MMP24: variants seen among roughly 807,000 people sequenced by gnomAD.
The protein encoded by MMP24 is matrix metalloproteinase-24.
A neutral mutation model predicts 62.8 loss-of-function variants in MMP24; 25 were observed. The ratio of observed to expected loss-of-function variants is 0.40; its 90% CI spans 0.29 to 0.56. The LOEUF (loss-of-function observed/expected upper bound fraction) is 0.56. Ranked by LOEUF, MMP24 falls within the 20% of genes least tolerant of loss-of-function variation. The pLI, the probability that MMP24 is intolerant of heterozygous loss-of-function variation, is 0.50. For missense variants in MMP24, 634 were observed against 853.6 expected (o/e 0.74, Z 3.21); for synonymous variants, 319 against 350.5 (o/e 0.91, Z 1.00).
At chr20:35,259,023 A>G (rs1022624657) in intron 4 of MMP24, among the ~76,000 whole-genome samples, 1 of 152,078 alleles carries the variant, frequency 6.6e-6, no homozygotes, top group African/African-American at 2.4e-5. Context: ...TCTACTAAAA[A>G]TACAAAAATT....
chr20:35,251,110 C>T (rs1418863494), intron 2 of MMP24, among the ~76,000 whole-genome samples: 1 of 145,152 alleles, frequency 6.9e-6, no homozygotes, highest in African/African-American at 2.8e-5. Flanking sequence ...AGTTGTTAAG[C>T]CACTTCTTTT....
intron 1 of MMP24, among the ~76,000 whole-genome samples, chr20:35,245,420 C>G (rs1441165059): frequency 6.6e-6 from 1 of 150,498 alleles, no homozygotes; most frequent in African/African-American, 2.5e-5. Flanking sequence ...CTGTCTGTCT[C>G]TCTCTTTATA....
chr20:35,260,624 C>G (rs1323109229), intron 4 of MMP24, among the ~76,000 whole-genome samples: 1 of 152,268 alleles, frequency 6.6e-6, no homozygotes, highest in African/African-American at 2.4e-5. Context: ...GCTCACCCTT[C>G]CCTGCTGCCA....
chr20:35,257,400 T>C (rs1276102219), intron 4 of MMP24, among the ~76,000 whole-genome samples: 1 of 152,212 alleles, frequency 6.6e-6, no homozygotes. Flanking sequence ...TGTCAACGAA[T>C]GGCTGTCTGT....
Position 35,251,980 on chromosome 20 carries a change from C to T in MMP24, c.471C>T (p.Ala157=). The T allele has an allele frequency of 2.5e-6, 4 of 1,614,014 alleles. No homozygotes were observed. Among genetic ancestry groups the T allele is most frequent in the Non-Finnish European group, 3.4e-6 (4 of 1,179,886 alleles). ...LSRRRRNKRY[A]LTGQKWRQKH... is the part of the protein sequence containing the mutation. ...GTAGGCGGAGAAACAAGCGCTATGC[C>T]CTGACTGGACAGAAGTGGAGGCAAA... Residue 157 remains alanine, a synonymous_variant, in exon 3 of 9, where the codon GCC becomes GCT. Transcript: ENST00000246186.
At chr20:35,249,592 C>CT (rs573444436) in intron 2 of MMP24, among the ~76,000 whole-genome samples, 170 of 143,822 alleles carry the variant, frequency 1.2e-3, no homozygotes, top group Middle Eastern at 3.5e-3. Context: ...ATAATAATTT[C>CT]TTTTTTTTTT....
chr20:35,267,477 G>A (rs747480189), intron 6 of MMP24, 58 bp downstream of exon 6: 160 of 1,476,770 alleles, frequency 1.1e-4, no homozygotes, highest in Non-Finnish European at 1.3e-4. Context: ...CCTCCTCCCC[G>A]ACATCATGGA....
chr20:35,264,406 C>T (rs148007374), intron 5 of MMP24, among the ~76,000 whole-genome samples: 116 of 152,064 alleles, frequency 7.6e-4, no homozygotes, highest in African/African-American at 2.5e-3. Flanking sequence ...AAAGAAAAAA[C>T]GAGGGCCAGG....
chr20:35,259,411 C>T (rs1373054088), intron 4 of MMP24, among the ~76,000 whole-genome samples: 2 of 152,136 alleles, frequency 1.3e-5, no homozygotes, highest in African/African-American at 4.8e-5. Flanking sequence ...AAGGAACCCA[C>T]AGTCCTGGGG....
intron 2 of MMP24, 117 bp downstream of exon 2, chr20:35,247,105 C>A: frequency 1.6e-6 from 2 of 1,258,166 alleles, no homozygotes; most frequent in South Asian, 1.4e-5. Context: ...TTTATTCCTG[C>A]AGTGCCATCC....
intron 1 of MMP24, among the ~76,000 whole-genome samples, chr20:35,236,485 T>C (rs1204418599): frequency 6.6e-6 from 1 of 152,178 alleles, no homozygotes; most frequent in East Asian, 1.9e-4. Flanking sequence ...GTTATATAAC[T>C]CAGGTGGGCT....
chr20:35,268,991 C>T (rs2146239763), intron 6 of MMP24, among the ~76,000 whole-genome samples: 1 of 150,356 alleles, frequency 6.7e-6, no homozygotes, highest in South Asian at 2.1e-4. Flanking sequence ...TGCGCCACTG[C>T]ACTCCAGCCT....
chr20:35,267,184 A>G, intron 5 of MMP24, 21 bp from the exon 6 acceptor site: 1 of 1,554,404 alleles, frequency 6.4e-7, no homozygotes, highest in Non-Finnish European at 8.7e-7. Flanking sequence ...CCCCTCTCTA[A>G]GATGCAGCTC....
chr20:35,257,842 C>G (rs535491128), intron 4 of MMP24, among the ~76,000 whole-genome samples: 1 of 152,330 alleles, frequency 6.6e-6, no homozygotes, highest in South Asian at 2.1e-4. Context: ...GAAAACCAAG[C>G]AGGAACTGTC....
chr20:35,238,285 G>C (rs1268624042), intron 1 of MMP24, among the ~76,000 whole-genome samples: 3 of 152,220 alleles, frequency 2.0e-5, no homozygotes, highest in Non-Finnish European at 4.4e-5. Context: ...GCTAGCTGTT[G>C]GGGTGACAAT....
chr20:35,231,022 T>C (rs924960908), intron 1 of MMP24, among the ~76,000 whole-genome samples: 4 of 152,218 alleles, frequency 2.6e-5, no homozygotes, highest in Non-Finnish European at 4.4e-5. Flanking sequence ...TTTTTTATCT[T>C]ACACATCAAG....
intron 7 of MMP24, among the ~76,000 whole-genome samples, chr20:35,270,169 G>A (rs768285502): frequency 6.6e-6 from 1 of 152,298 alleles, no homozygotes; most frequent in East Asian, 1.9e-4. Flanking sequence ...GGAGGCCATC[G>A]GGTCAGTTCT....
At position 35,263,889 on chromosome 20, in the gene MMP24, T is replaced by G. The variant is rs2060617489; in HGVS notation, c.916T>G (p.Tyr306Asp). The G allele has an allele frequency of 1.2e-6, 2 of 1,612,962 alleles. No individual in the cohort carries two copies. Among genetic ancestry groups the G allele is most frequent in the Admixed American group, 1.7e-5 (1 of 59,854 alleles). ...CGCCATCATGGCGCCCTTCTACCAG[T>G]ACATGGAGACGCACAACTTCAAGCT... is the stretch of plus-strand genomic sequence containing the variant. ...PSAIMAPFYQ[Y>D]METHNFKLPQ... Residue 306 changes from tyrosine (Y) to aspartate (D), a missense_variant, in exon 5 of 9, where the codon TAC becomes GAC. By Grantham distance (160) the Tyr-to-Asp change is radical (BLOSUM62 -3). This residue lies in a region of MMP24 where 399 missense variants were observed against 530.8 expected (regional missense o/e 0.75). Coordinates refer to ENST00000246186, the MANE Select transcript of MMP24 (RefSeq NM_006690.4).
intron 1 of MMP24, among the ~76,000 whole-genome samples, chr20:35,229,528 A>G (rs200797448): frequency 1.3e-5 from 2 of 152,316 alleles, no homozygotes; most frequent in South Asian, 2.1e-4. Flanking sequence ...AATTATATCC[A>G]CTGCTTCTCT....
Sources: gnomAD v4.1 joint callset for allele counts (sites outside exome capture counted in the v4.1 genomes callset) on GRCh38, gnomAD v4.1.1 for gene constraint, gnomAD v4.1.1 regional missense constraint, MANE v1.5 for transcripts, NCBI Gene and HGNC (gene_info 2026-07-23, HGNC 2026-07-21) for gene names.